Variants in SCARB2 observed in about 807,000 individuals in gnomAD.
SCARB2 encodes lysosome membrane protein 2.
In SCARB2, 29 loss-of-function variants were observed where a neutral mutation model predicts 58.6. The ratio of observed to expected loss-of-function variants is 0.49; its 90% CI spans 0.37 to 0.67. SCARB2 has a LOEUF of 0.67. Among genes scored for constraint, SCARB2 ranks in the 30% least tolerant of loss-of-function variants. The pLI, the probability that SCARB2 is intolerant of heterozygous loss-of-function variation, is 0.00. For missense variants in SCARB2, 488 were observed against 578.5 expected (o/e 0.84, Z 1.60); for synonymous variants, 195 against 210.1 (o/e 0.93, Z 0.62).
chr4:76,183,440 A>G (rs1219929930), intron 2 of SCARB2, among the ~76,000 whole-genome samples: 1 of 152,200 alleles, frequency 6.6e-6, no homozygotes, highest in African/African-American at 2.4e-5. Context: ...ATTTGCTAGA[A>G]CAGCCCAGAG....
At chr4:76,197,495 G>A (rs929401279) in intron 1 of SCARB2, among the ~76,000 whole-genome samples, 3 of 151,516 alleles carry the variant, frequency 2.0e-5, no homozygotes, top group African/African-American at 4.9e-5. Context: ...GTCCAGCCTC[G>A]TTCCACTGAG....
upstream of SCARB2, among the ~76,000 whole-genome samples, chr4:76,216,006 C>G (rs893273387): frequency 6.6e-6 from 1 of 152,194 alleles, no homozygotes; most frequent in African/African-American, 2.4e-5. Context: ...GCTACCAAAG[C>G]TCTTCAAGCA....
Position 76,169,920 on chromosome 4 carries a change from C to G in SCARB2, c.1060G>C (p.Glu354Gln), listed in dbSNP as rs1732094150. The G allele has an allele frequency of 6.2e-7, 1 of 1,613,928 alleles. No individual in the cohort carries two copies. The highest frequency in any genetic ancestry group is 1.7e-5 in the Admixed American group (1 of 59,986). ...TCTTCCTGATTTGGGTGCATGCCTT[C>G]TATGGCAGAAACAAACCTCTCATCT... The part of the protein sequence containing the change: ...QADERFVSAI[E>Q]GMHPNQEDHE... Residue 354 changes from glutamate (E) to glutamine (Q), a missense_variant, in exon 8 of 12, where the codon GAA (glutamate) becomes CAA (glutamine). Glu to Gln is a conservative substitution (Grantham distance 29, BLOSUM62 2). Transcript: ENST00000264896.
At position 76,175,984 on chromosome 4, in the gene SCARB2, T is replaced by C. The variant is rs2289512; in HGVS notation, c.705-74A>G. On this transcript the variant is annotated intron_variant, in intron 5 of 11. Coordinates refer to ENST00000264896, the MANE Select transcript of SCARB2 (RefSeq NM_005506.4). ...TAGATTCTCTTAAATGGTCAGGACTTTGCAAGATTTAACTGGAGCTGTCTA... is the reference window on the plus strand; with the variant it reads ...TAGATTCTCTTAAATGGTCAGGACTCTGCAAGATTTAACTGGAGCTGTCTA... 0.17 allele frequency: 259,971 copies of C among 1,568,888 alleles called. 24,772 individuals are homozygous for C. Among genetic ancestry groups the C allele is most frequent in the African/African-American group, 0.39 (29,167 of 74,140 alleles).
intron 6 of SCARB2, chr4:76,175,453 G>T (rs35873788): frequency 0.29 from 102,145 of 347,936 alleles, 18,449 homozygotes; most frequent in African/African-American, 0.57. Flanking sequence ...CTAAGTATTT[G>T]ACTAATACTA....
intron 3 of SCARB2, chr4:76,180,393 A>G (rs1042693921): frequency 1.3e-5 from 2 of 150,690 alleles, no homozygotes; most frequent in African/African-American, 4.9e-5. Context: ...AATTTAATTT[A>G]AAAAAAAAGA....
At position 76,213,778 on chromosome 4, in the gene SCARB2, C is replaced by T; in HGVS notation, c.-235G>A. The T allele has an allele frequency of 4.8e-6, 2 of 416,100 alleles. No homozygotes were observed. The highest frequency in any genetic ancestry group is 8.5e-6 in the Non-Finnish European group (2 of 235,182). 25.8% of individuals were successfully genotyped at this position (416,100 alleles called of 1,614,324 possible). A position where few individuals can be genotyped will look rare whatever the true frequency, so the allele number is the denominator to read the frequency against. ...ACGGGCCCGGACTCGGTTTCGGTTT[C>T]CTTCGCCGGGCAGCCGTGGCGCCCG... On this transcript the variant is annotated 5_prime_UTR_variant, in exon 1 of 12. Coordinates refer to ENST00000264896, the MANE Select transcript of SCARB2 (RefSeq NM_005506.4).
intron 7 of SCARB2, among the ~76,000 whole-genome samples, chr4:76,170,745 C>T (rs1054805295): frequency 5.9e-5 from 9 of 151,804 alleles, no homozygotes; most frequent in African/African-American, 9.7e-5. Flanking sequence ...GTCTTGAACT[C>T]CTTACCTCAA....
At position 76,179,541 on chromosome 4, in the gene SCARB2, A is replaced by G. The variant is rs761204416; in HGVS notation, c.588T>C (p.Ser196=). 5.6e-6 allele frequency: 9 copies of G among 1,613,934 alleles called. No individual in the cohort carries two copies. In the African/African-American group the frequency reaches 9.3e-5, roughly 17 times the overall value. The change falls in exon 4 of 12, where the codon TCT becomes TCC. Residue 196 remains serine, a synonymous_variant. Coordinates refer to ENST00000264896, the MANE Select transcript of SCARB2 (RefSeq NM_005506.4). ...SLIHVFRPDI[S]PYFGLFYEKN... ...CCTCATAGAATAGGCCAAAATAGGG[A>G]GAGATATCGGGCCTGAAAACATGGA...
At chr4:76,208,952 G>C (rs924285859) in intron 1 of SCARB2, among the ~76,000 whole-genome samples, 3 of 152,176 alleles carry the variant, frequency 2.0e-5, no homozygotes, top group African/African-American at 7.2e-5. Flanking sequence ...AACCATGTAG[G>C]ACTATTCCAG....
intron 4 of SCARB2, chr4:76,179,031 T>G: frequency 6.7e-6 from 1 of 148,172 alleles, no homozygotes; most frequent in Non-Finnish European, 1.3e-5. Flanking sequence ...ACTCCAGGGT[T>G]TTTGTTTTTG....
Position 76,204,950 on chromosome 4 carries a change from T to C in SCARB2, c.117+8477A>G, listed in dbSNP as rs551571999. The stretch of plus-strand genomic sequence containing the variant: ...GTGGGCGCTGGGAGGACTGGTGAGA[T>C]GTTAGTCAAAGGACACAAAATTTCA... On this transcript the variant is annotated intron_variant, in intron 1 of 11. Coordinates refer to ENST00000264896, the MANE Select transcript of SCARB2 (RefSeq NM_005506.4). Among the ~76,000 whole-genome samples, 19 of 152,286 alleles carry C rather than the reference T, an allele frequency of 1.2e-4. 1 individual carries two copies. Among genetic ancestry groups the C allele is most frequent in the African/African-American group, 4.6e-4 (19 of 41,554 alleles).
At position 76,158,797 on chromosome 4, in the gene SCARB2, C is replaced by T. The variant is rs1395407373; in HGVS notation, c.*2916G>A. 1 of 152,104 alleles carries T rather than the reference C, an allele frequency of 6.6e-6. No individual in the cohort carries two copies. The highest frequency in any genetic ancestry group is 2.4e-5 in the African/African-American group (1 of 41,426). 9.4% of individuals were successfully genotyped at this position (152,104 alleles called of 1,614,324 possible). ...TCATTGCATTAAGGGTAGAAATAAACATGTCAAGAACCGCATGAAGTGAAC... is the reference window on the plus strand; with the variant it reads ...TCATTGCATTAAGGGTAGAAATAAATATGTCAAGAACCGCATGAAGTGAAC... On this transcript the variant is annotated 3_prime_UTR_variant, in exon 12 of 12. Transcript: ENST00000264896.
At chr4:76,214,141 T>C (rs1733150017), upstream of SCARB2, 3 of 443,858 alleles carry the variant, frequency 6.8e-6, no homozygotes. Flanking sequence ...GGGCCTCCCA[T>C]GGGCCACGCG....
intron 1 of SCARB2, among the ~76,000 whole-genome samples, chr4:76,207,344 T>C (rs1216675406): frequency 6.6e-6 from 1 of 152,204 alleles, no homozygotes; most frequent in Non-Finnish European, 1.5e-5. Flanking sequence ...CATAAGTTCT[T>C]TGGGGTCCTC....
At chr4:76,166,123 G>T in intron 10 of SCARB2, 127 bp downstream of exon 10, 3 of 917,008 alleles carry the variant, frequency 3.3e-6, no homozygotes, top group Non-Finnish European at 5.5e-6. Flanking sequence ...AATTTTCTGA[G>T]GAATAACAGG....
At chr4:76,189,778 GT>G (rs769265889) in intron 2 of SCARB2, among the ~76,000 whole-genome samples, 8 of 152,010 alleles carry the variant, frequency 5.3e-5, no homozygotes, top group Non-Finnish European at 7.4e-5. Flanking sequence ...AACCAAAAGG[GT>G]TTTTTAAAAA....
At chr4:76,216,430 G>A (rs566540659), upstream of SCARB2, among the ~76,000 whole-genome samples, 1 of 152,208 alleles carries the variant, frequency 6.6e-6, no homozygotes, top group African/African-American at 2.4e-5. Flanking sequence ...TTCTGTTTGC[G>A]GGCTCCATTC....
intron 2 of SCARB2, chr4:76,184,866 G>A (rs575285523): frequency 1.6e-5 from 5 of 308,444 alleles, no homozygotes; most frequent in Non-Finnish European, 3.1e-5. Context: ...CACATGATGT[G>A]ATGATCAATA....
Sources: gnomAD v4.1 joint callset for allele counts (sites outside exome capture counted in the v4.1 genomes callset) on GRCh38, gnomAD v4.1.1 for gene constraint, MANE v1.5 for transcripts, NCBI Gene and HGNC (gene_info 2026-07-23, HGNC 2026-07-21) for gene names.